Variants in ZNF804A observed in about 807,000 individuals in gnomAD.
ZNF804A encodes zinc finger protein 804A.
A neutral mutation model predicts 16.5 loss-of-function variants in ZNF804A; 2 were observed. That is an observed-to-expected ratio of 0.12 (90% CI 0.05 to 0.38). The LOEUF is 0.38. Among genes scored for constraint, ZNF804A ranks in the 10% least tolerant of loss-of-function variants. The pLI, the probability that ZNF804A is intolerant of heterozygous loss-of-function variation, is 0.99. For synonymous variants in ZNF804A, 534 were observed against 489.6 expected (o/e 1.09, Z -1.20); for missense variants, 1,473 against 1,390.7 (o/e 1.06, Z -0.94).
In ZNF804A at chr2:184,884,988, A is replaced by C. The variant is rs570138449; in HGVS notation, c.255+18476A>C. On this transcript the variant is annotated intron_variant, in intron 2 of 3. Transcript: ENST00000302277. ...ATATCCAGAATCTGTAAGGGAGTTA[A>C]ACAAATTTATAAGAACAAAAGCAAA... Among the ~76,000 whole-genome samples, 8 of 152,326 alleles carry C rather than the reference A, an allele frequency of 5.3e-5. No individual in the cohort carries two copies. The East Asian group carries it at 1.5e-3, about 29-fold the overall frequency.
chr2:184,855,175 G>A (rs1333377439), intron 1 of ZNF804A, among the ~76,000 whole-genome samples: 1 of 151,974 alleles, frequency 6.6e-6, no homozygotes, highest in Non-Finnish European at 1.5e-5. Context: ...GGATGCCATG[G>A]GTAGAATGAC....
intron 1 of ZNF804A, among the ~76,000 whole-genome samples, chr2:184,658,192 T>C (rs1278192830): frequency 1.3e-5 from 2 of 152,164 alleles, no homozygotes; most frequent in Non-Finnish European, 2.9e-5. Flanking sequence ...GAGAAGTTTT[T>C]TTCCCCCCAG....
chr2:184,655,838 G>A (rs1692067043), intron 1 of ZNF804A, among the ~76,000 whole-genome samples: 1 of 151,992 alleles, frequency 6.6e-6, no homozygotes, highest in African/African-American at 2.4e-5. Context: ...TAGAAAACAG[G>A]CCATTAGCGG....
At chr2:184,695,465 T>TATAAAAAAAAA (rs1692815899) in intron 1 of ZNF804A, among the ~76,000 whole-genome samples, 1 of 51,854 alleles carries the variant, frequency 1.9e-5, no homozygotes, top group African/African-American at 9.4e-5. Context: ...ACTCCGTCAT[T>TATAAAAAAAAA]AAAAAAAAAA....
intron 1 of ZNF804A, among the ~76,000 whole-genome samples, chr2:184,753,267 C>A (rs185941578): frequency 1.5e-3 from 223 of 151,560 alleles, no homozygotes; most frequent in African/African-American, 3.5e-3. Flanking sequence ...GGCTGGGGGG[C>A]GTTGCTTCTC....
intron 1 of ZNF804A, among the ~76,000 whole-genome samples, chr2:184,747,293 C>A (rs1265750719): frequency 2.4e-5 from 3 of 123,118 alleles, no homozygotes; most frequent in Non-Finnish European, 3.3e-5. Flanking sequence ...AAGCTTTTTT[C>A]TTCCGCTCTT....
chr2:184,865,656 G>C (rs1240331520), intron 1 of ZNF804A, among the ~76,000 whole-genome samples: 3 of 152,028 alleles, frequency 2.0e-5, no homozygotes, highest in African/African-American at 4.8e-5. Context: ...ATGATGACTG[G>C]CTATATGTTC....
chr2:184,895,790 T>C (rs1685055470), intron 2 of ZNF804A, among the ~76,000 whole-genome samples: 2 of 152,350 alleles, frequency 1.3e-5, no homozygotes, highest in South Asian at 4.1e-4. Flanking sequence ...AAAAGTAAAT[T>C]TGCAGTAAAT....
intron 1 of ZNF804A, among the ~76,000 whole-genome samples, chr2:184,637,631 A>G (rs1282799830): frequency 6.6e-6 from 1 of 151,946 alleles, no homozygotes; most frequent in East Asian, 1.9e-4. Context: ...TCTTGTGTTC[A>G]TTTCTACTCA....
At chr2:184,817,298 A>C (rs1694998326) in intron 1 of ZNF804A, among the ~76,000 whole-genome samples, 1 of 151,952 alleles carries the variant, frequency 6.6e-6, no homozygotes, top group Non-Finnish European at 1.5e-5. Context: ...AGCAAACTAC[A>C]GCAGCCCTAT....
At chr2:184,646,238 C>T (rs1341454573) in intron 1 of ZNF804A, among the ~76,000 whole-genome samples, 1 of 152,186 alleles carries the variant, frequency 6.6e-6, no homozygotes, top group East Asian at 1.9e-4. Flanking sequence ...TAAAGTGCCT[C>T]AGCAGTCAGC....
At chr2:184,837,878 G>T (rs1695378902) in intron 1 of ZNF804A, among the ~76,000 whole-genome samples, 1 of 152,074 alleles carries the variant, frequency 6.6e-6, no homozygotes, top group Admixed American at 6.6e-5. Context: ...CTTCTCAGTG[G>T]CTTTGGTCAT....
At chr2:184,728,958 T>C (rs1693467559) in intron 1 of ZNF804A, among the ~76,000 whole-genome samples, 1 of 151,882 alleles carries the variant, frequency 6.6e-6, no homozygotes, top group African/African-American at 2.4e-5. Flanking sequence ...AAATACTGAA[T>C]GATTTTACTT....
intron 1 of ZNF804A, among the ~76,000 whole-genome samples, chr2:184,737,962 A>G (rs1693656337): frequency 6.6e-6 from 1 of 151,966 alleles, no homozygotes; most frequent in South Asian, 2.1e-4. Flanking sequence ...TGCCTCTACT[A>G]AAAATACAGA....
intron 1 of ZNF804A, among the ~76,000 whole-genome samples, chr2:184,653,759 C>G (rs1040900456): frequency 6.6e-6 from 1 of 152,230 alleles, no homozygotes; most frequent in African/African-American, 2.4e-5. Context: ...GCATTCTTCC[C>G]TTTTCTGGTG....
At position 184,862,555 on chromosome 2, in the gene ZNF804A, G is replaced by A. The variant is rs562516466; in HGVS notation, c.112-3814G>A. On this transcript the variant is annotated intron_variant, in intron 1 of 3. Coordinates refer to ENST00000302277, the MANE Select transcript of ZNF804A (RefSeq NM_194250.2). ...TAATTTAGAGGAGGATAGAGATAGA[G>A]AGAAAGCAACAGAACACACAAATAT... Among the ~76,000 whole-genome samples the A allele has an allele frequency of 2.0e-5, 3 of 152,244 alleles. No individual in the cohort carries two copies. The South Asian group carries it at 6.2e-4, about 32-fold the overall frequency.
At chr2:184,653,091 C>A (rs1408072716) in intron 1 of ZNF804A, among the ~76,000 whole-genome samples, 1 of 152,140 alleles carries the variant, frequency 6.6e-6, no homozygotes, top group African/African-American at 2.4e-5. Flanking sequence ...TTCATAGCAG[C>A]TCAAGAATGG....
At chr2:184,604,570 T>A (rs187453069) in intron 1 of ZNF804A, among the ~76,000 whole-genome samples, 123 of 152,212 alleles carry the variant, frequency 8.1e-4, no homozygotes, top group African/African-American at 2.9e-3. Flanking sequence ...GGCTGCCAAA[T>A]TAGTTTGTTT....
chr2:184,696,548 G>A (rs1255485852), intron 1 of ZNF804A, among the ~76,000 whole-genome samples: 1 of 152,060 alleles, frequency 6.6e-6, no homozygotes, highest in African/African-American at 2.4e-5. Flanking sequence ...ATAAATTATT[G>A]TAAAATTCTT....
Sources: gnomAD v4.1 joint callset for allele counts (sites outside exome capture counted in the v4.1 genomes callset) on GRCh38, gnomAD v4.1.1 for gene constraint, MANE v1.5 for transcripts, NCBI Gene and HGNC (gene_info 2026-07-23, HGNC 2026-07-21) for gene names.